Variants in CFAP58 observed in about 807,000 individuals in gnomAD.
CFAP58 encodes cilia and flagella associated protein 58.
In CFAP58, 88 loss-of-function variants were observed where a neutral mutation model predicts 119.5. The observed-to-expected ratio is 0.74, with a 90% CI of 0.62 to 0.88. The LOEUF (loss-of-function observed/expected upper bound fraction) is 0.88, where lower values mean the gene tolerates loss of function less well. Ranked by LOEUF, CFAP58 falls within the 40% of genes least tolerant of loss-of-function variation. The pLI is 0.00. For missense variants in CFAP58, 990 were observed against 1,021.2 expected, an observed-to-expected ratio of 0.97 and a Z score of 0.42; for synonymous variants, 365 against 366.3, an observed-to-expected ratio of 1.00 and a Z score of 0.04.
At chr10:104,340,656 A>C in the CFAP58 span, among the ~76,000 whole-genome samples, 2 of 152,238 alleles carry the variant, frequency 1.3e-5, no homozygotes, top group Non-Finnish European at 2.9e-5. Context: ...AAGGCTGAAT[A>C]AAATATATCA....
chr10:104,408,461 A>G (rs2012401607), intron 15 of CFAP58, among the ~76,000 whole-genome samples: 1 of 152,200 alleles, frequency 6.6e-6, no homozygotes, highest in African/African-American at 2.4e-5. Flanking sequence ...TTGCTGTTCC[A>G]CTGATGCTGG....
intron 15 of CFAP58, among the ~76,000 whole-genome samples, chr10:104,428,114 T>C (rs2012780330): frequency 6.6e-6 from 1 of 152,190 alleles, no homozygotes; most frequent in Non-Finnish European, 1.5e-5. Flanking sequence ...GATCTGGCAG[T>C]GGACTGTGTC....
chr10:104,350,485 C>G (rs910605888), upstream of CFAP58, among the ~76,000 whole-genome samples: 10 of 152,316 alleles, frequency 6.6e-5, 1 homozygote, highest in African/African-American at 2.2e-4. Context: ...GACCACCCAT[C>G]CTTTCATCCA....
Position 104,394,236 on chromosome 10 carries a change from C to T in CFAP58, c.1674+761C>T, listed in dbSNP as rs12412284. 2.1e-3 allele frequency among the ~76,000 whole-genome samples: 327 copies of T among 152,216 alleles called. 8 individuals are homozygous for T. The East Asian group carries it at 0.036, about 17-fold the overall frequency. ...TAAACCTAATGTATTTTTCTTTTTC[C>T]TATCCAGTCCAATAGATTTCCCTTC... On this transcript the variant is annotated intron_variant, in intron 11 of 17. Transcript: ENST00000369704.
At chr10:104,364,018 A>G (rs189036025) in intron 3 of CFAP58, among the ~76,000 whole-genome samples, 14 of 152,342 alleles carry the variant, frequency 9.2e-5, no homozygotes, top group Admixed American at 9.2e-4. Flanking sequence ...TTACAATTCA[A>G]ATCAATGAAT....
At chr10:104,445,987 T>G (rs1256272001) in intron 15 of CFAP58, among the ~76,000 whole-genome samples, 1 of 152,208 alleles carries the variant, frequency 6.6e-6, no homozygotes, top group East Asian at 1.9e-4. Flanking sequence ...TTCTTTCCTT[T>G]GCAAGTCTAT....
intron 15 of CFAP58, among the ~76,000 whole-genome samples, chr10:104,414,762 C>T (rs1205719141): frequency 1.3e-5 from 2 of 152,172 alleles, no homozygotes; most frequent in African/African-American, 2.4e-5. Context: ...CTCCGCCTCC[C>T]GGGTTCACGC....
At chr10:104,426,575 A>G (rs2012749740) in intron 15 of CFAP58, among the ~76,000 whole-genome samples, 1 of 152,174 alleles carries the variant, frequency 6.6e-6, no homozygotes, top group Non-Finnish European at 1.5e-5. Context: ...AAGAAAATCC[A>G]TGTTACAAAA....
chr10:104,400,181 C>G (rs1012305726), intron 12 of CFAP58, among the ~76,000 whole-genome samples: 1 of 152,206 alleles, frequency 6.6e-6, no homozygotes, highest in African/African-American at 2.4e-5. Flanking sequence ...GAGTCTCTCT[C>G]TGTCACCCAG....
chr10:104,444,885 C>T (rs1475176698), intron 15 of CFAP58, among the ~76,000 whole-genome samples: 2 of 152,192 alleles, frequency 1.3e-5, no homozygotes, highest in Admixed American at 6.5e-5. Context: ...TTATTTAATT[C>T]TCAGAACTTT....
intron 15 of CFAP58, among the ~76,000 whole-genome samples, chr10:104,430,586 G>T (rs936348116): frequency 6.6e-6 from 1 of 152,080 alleles, no homozygotes; most frequent in Admixed American, 6.5e-5. Flanking sequence ...GCTGTGCAGC[G>T]TAATGACCTC....
chr10:104,430,479 C>G (rs1168257728), intron 15 of CFAP58, among the ~76,000 whole-genome samples: 3 of 152,200 alleles, frequency 2.0e-5, no homozygotes, highest in Non-Finnish European at 4.4e-5. Flanking sequence ...AATCTTCTTT[C>G]TATTACAGAG....
At chr10:104,368,607 A>G (rs769229307) in intron 6 of CFAP58, 47 bp downstream of exon 6, 1 of 1,605,576 alleles carries the variant, frequency 6.2e-7, no homozygotes, top group East Asian at 2.2e-5. Context: ...TCTTCCTAAC[A>G]CAGGTTTGCC....
chr10:104,436,992 G>C (rs1463867465), intron 15 of CFAP58, among the ~76,000 whole-genome samples: 1 of 152,128 alleles, frequency 6.6e-6, no homozygotes, highest in African/African-American at 2.4e-5. Context: ...AATATGCATA[G>C]TGGTTAAGAG....
At chr10:104,403,896 G>A (rs1320586334) in intron 14 of CFAP58, 56 bp downstream of exon 14, 4 of 1,123,504 alleles carry the variant, frequency 3.6e-6, no homozygotes, top group African/African-American at 3.1e-5. Context: ...TATCCCACGC[G>A]AAGCTTCTAA....
intron 13 of CFAP58, among the ~76,000 whole-genome samples, chr10:104,402,528 T>C (rs1374764266): frequency 6.6e-6 from 1 of 152,202 alleles, no homozygotes; most frequent in African/African-American, 2.4e-5. Flanking sequence ...TTATTGCCCA[T>C]GTCAATGCAA....
chr10:104,426,400 A>G (rs1048425016), intron 15 of CFAP58, among the ~76,000 whole-genome samples: 3 of 151,972 alleles, frequency 2.0e-5, no homozygotes. Flanking sequence ...ACCATTCACC[A>G]TACCACACCC....
At chr10:104,373,152 G>T (rs2014846134) in intron 7 of CFAP58, among the ~76,000 whole-genome samples, 1 of 151,748 alleles carries the variant, frequency 6.6e-6, no homozygotes, top group Admixed American at 6.6e-5. Context: ...TAAAATATCT[G>T]TGAATAAAGT....
chr10:104,417,914 T>A (rs1163921931), intron 15 of CFAP58, among the ~76,000 whole-genome samples: 1 of 152,098 alleles, frequency 6.6e-6, no homozygotes, highest in Non-Finnish European at 1.5e-5. Flanking sequence ...ATAAACCAGG[T>A]TTGGGTAAAC....
Sources: allele counts gnomAD v4.1 joint callset (sites outside exome capture counted in the v4.1 genomes callset), GRCh38; gene constraint gnomAD v4.1.1; transcripts MANE v1.5; gene names NCBI Gene and HGNC (gene_info 2026-07-23, HGNC 2026-07-21).